The following TRIM21 variants were observed in gnomAD, a reference collection of about 807,000 sequenced individuals.
The protein encoded by TRIM21 is E3 ubiquitin-protein ligase TRIM21.
A neutral mutation model predicts 36.1 loss-of-function variants in TRIM21; 35 were observed. The observed-to-expected ratio is 0.97, with a 90% CI of 0.74 to 1.28. The LOEUF is 1.28. TRIM21 is among the 50% of genes most tolerant of loss of function. The pLI is 0.00. For missense variants in TRIM21, 635 were observed against 570.7 expected, an observed-to-expected ratio of 1.11 and a Z score of -1.15; for synonymous variants, 256 against 211.5, an observed-to-expected ratio of 1.21 and a Z score of -1.83.
intron 3 of TRIM21, 67 bp downstream of exon 3, chr11:4,389,587 T>G: frequency 7.5e-7 from 1 of 1,341,760 alleles, no homozygotes; most frequent in South Asian, 1.2e-5. Context: ...GTTAAGGCTG[T>G]GAGTTGAGGA....
chr11:4,385,929 G>A (rs556850359), intron 6 of TRIM21, 76 bp from the exon 7 acceptor site: 2 of 1,403,946 alleles, frequency 1.4e-6, no homozygotes, highest in East Asian at 2.4e-5. Flanking sequence ...GGGGGATTTT[G>A]TGTAAACTCC....
At position 4,385,616 on chromosome 11, in the gene TRIM21, T is replaced by A; in HGVS notation, c.1097A>T (p.Lys366Met). ...CTTGGAACTAAGCAAAAAGTGCCCC[T>A]TCCTGCGCACAGAGTCTCTGCAGAC... is the stretch of plus-strand genomic sequence containing the variant. ...LGVCRDSVRR[K>M]GHFLLSSKSG... The change falls in exon 7 of 7, where the codon AAG becomes ATG. Residue 366 changes from lysine to methionine, a missense_variant. Transcript: ENST00000254436. 6.2e-7 allele frequency: 1 copy of A among 1,612,948 alleles called. No homozygotes were observed. The highest frequency in any genetic ancestry group is 8.5e-7 in the Non-Finnish European group (1 of 1,179,488).
At chr11:4,388,696 A>AG (rs1564810214) in intron 3 of TRIM21, among the ~76,000 whole-genome samples, 166 bp from the exon 4 acceptor site, 49 of 151,726 alleles carry the variant, frequency 3.2e-4, no homozygotes, top group Middle Eastern at 6.8e-3. Flanking sequence ...CACACACACA[A>AG]TTTTGCTTGG....
At chr11:4,392,933 T>A (rs1053713120) in intron 1 of TRIM21, among the ~76,000 whole-genome samples, 9 of 152,112 alleles carry the variant, frequency 5.9e-5, no homozygotes, top group Non-Finnish European at 5.9e-5. Context: ...CAGAGATACT[T>A]CATGCTTTGA....
At position 4,385,760 on chromosome 11, in the gene TRIM21, A is replaced by G; in HGVS notation, c.953T>C (p.Ile318Thr). ...ATCAAATCTCTCTTCATTTCCAGGTATGCTCTGCTGGGTGTCTCCAAGCCT... is the reference window on the plus strand; with the variant it reads ...ATCAAATCTCTCTTCATTTCCAGGTGTGCTCTGCTGGGTGTCTCCAAGCCT... ...QVRLGDTQQS[I>T]PGNEERFDSY... is the part of the protein sequence containing the mutation. The change falls in exon 7 of 7, where the codon ATA becomes ACA. Residue 318 changes from isoleucine (I) to threonine (T), a missense_variant. By Grantham distance (89) the Ile-to-Thr change is moderately conservative. Coordinates refer to ENST00000254436, the MANE Select transcript of TRIM21 (RefSeq NM_003141.4). The G allele has an allele frequency of 6.2e-7, 1 of 1,613,598 alleles. No homozygotes were observed. The highest frequency in any genetic ancestry group is 8.5e-7 in the Non-Finnish European group (1 of 1,179,786).
At chr11:4,393,429 T>A (rs1389679834) in intron 1 of TRIM21, among the ~76,000 whole-genome samples, 1 of 152,020 alleles carries the variant, frequency 6.6e-6, no homozygotes, top group Non-Finnish European at 1.5e-5. Context: ...AACTCGGCAG[T>A]CAGGTCCACA....
chr11:4,388,431 T>G lies in TRIM21; in HGVS notation c.604A>C (p.Lys202Gln). 1.2e-6 allele frequency: 2 copies of G among 1,613,888 alleles called. No individual in the cohort carries two copies. Among genetic ancestry groups the G allele is most frequent in the Non-Finnish European group, 1.7e-6 (2 of 1,179,890 alleles). ...EEQRQLQELE[K>Q]DEREQLRILG... ...ATTCTCAGCTGCTCCCTCTCATCCT[T>G]CTCCAGCTCCTGCAGCTGCCTCTGT... Residue 202 changes from lysine to glutamine, a missense_variant, in exon 4 of 7, where the codon AAG becomes CAG. Lys to Gln is a moderately conservative substitution (Grantham distance 53). Coordinates refer to ENST00000254436, the MANE Select transcript of TRIM21 (RefSeq NM_003141.4).
chr11:4,388,660 TGCACACGCACACGCGC>T, intron 3 of TRIM21, 130 bp from the exon 4 acceptor site: 4 of 857,646 alleles, frequency 4.7e-6, no homozygotes, highest in Admixed American at 2.1e-5. Flanking sequence ...CACACACACA[TGCACACGCACACGCGC>T]GCACACACAC....
At chr11:4,387,059 G>C in intron 4 of TRIM21, 69 bp from the exon 5 acceptor site, 10 of 1,478,920 alleles carry the variant, frequency 6.8e-6, no homozygotes, top group Non-Finnish European at 8.3e-6. Flanking sequence ...AGCCCTGTGG[G>C]TGATGTGATC....
rs549174939 is a variant in TRIM21 at position 4,385,093 on chromosome 11, C to T, written c.*192G>A. ...GGCCAAATATAAGGAGGCTGCTTCA[C>T]TGGAGGGAATCACAAAGCCATCTGG... On this transcript the variant is annotated 3_prime_UTR_variant, in exon 7 of 7. Coordinates refer to ENST00000254436, the MANE Select transcript of TRIM21 (RefSeq NM_003141.4). The T allele has an allele frequency of 1.4e-4, 83 of 572,448 alleles. No individual in the cohort carries two copies. Among genetic ancestry groups the T allele is most frequent in the African/African-American group, 3.7e-5 (2 of 53,424 alleles). The allele number at this position is 572,448 out of a possible 1,614,324, so 35.5% of individuals were successfully genotyped here. A position where few individuals can be genotyped will look rare whatever the true frequency, so the allele number is the denominator to read the frequency against.
At chr11:4,391,157 A>G (rs1176494896) in intron 1 of TRIM21, among the ~76,000 whole-genome samples, 1 of 152,234 alleles carries the variant, frequency 6.6e-6, no homozygotes, top group Admixed American at 6.5e-5. Flanking sequence ...ATTGGAGTAA[A>G]TATTTGTAAA....
rs764424272 is a variant in TRIM21, at chr11:4,386,152, C to T, written c.859+5G>A. 2.5e-5 allele frequency: 41 copies of T among 1,612,616 alleles called. No homozygotes were observed. Among genetic ancestry groups the T allele is most frequent in the Non-Finnish European group, 1.0e-5 (12 of 1,179,790 alleles). On this transcript the variant is annotated splice_donor_5th_base_variant and intron_variant, in intron 6 of 6. Transcript: ENST00000254436. Reference sequence around the variant, plus strand: ...TATCCCCCGCAAAACTAGAACTTGCCTCACCTGCACATGTCCTCAGCATCT... The same window carrying T: ...TATCCCCCGCAAAACTAGAACTTGCTTCACCTGCACATGTCCTCAGCATCT...
chr11:4,387,033 T>G (rs1168815242), intron 4 of TRIM21, 43 bp from the exon 5 acceptor site: 1 of 1,558,040 alleles, frequency 6.4e-7, no homozygotes, highest in Non-Finnish European at 8.7e-7. Context: ...GATTGCTGGA[T>G]CGCCACTGAG....
chr11:4,385,143 A>T lies in TRIM21; in HGVS notation c.*142T>A, dbSNP rs1440575929. 1.4e-6 allele frequency: 1 copy of T among 740,200 alleles called. No homozygotes were observed. Among genetic ancestry groups the T allele is most frequent in the Non-Finnish European group, 2.1e-6 (1 of 466,142 alleles). The allele number at this position is 740,200 out of a possible 1,614,324, so 45.9% of individuals were successfully genotyped here. A position where few individuals can be genotyped will look rare whatever the true frequency, so the allele number is the denominator to read the frequency against. The stretch of plus-strand genomic sequence containing the variant: ...GGGCAGGAATGTTGATGGTGAAGTG[A>T]CTTCCCTGCTAAAGCTCGCTTGCTG... On this transcript the variant is annotated 3_prime_UTR_variant, in exon 7 of 7. Coordinates refer to ENST00000254436, the MANE Select transcript of TRIM21 (RefSeq NM_003141.4).
chr11:4,385,918 G>A (rs1056246525), intron 6 of TRIM21, 65 bp from the exon 7 acceptor site: 3 of 1,450,568 alleles, frequency 2.1e-6, no homozygotes. Flanking sequence ...TGCCTGTGGT[G>A]GGGGGATTTT....
intron 1 of TRIM21, among the ~76,000 whole-genome samples, chr11:4,392,779 C>T (rs754743937): frequency 5.9e-5 from 9 of 152,100 alleles, no homozygotes; most frequent in Non-Finnish European, 1.3e-4. Context: ...TGGCAAGAAC[C>T]TCATAAAGCT....
At position 4,385,546 on chromosome 11, in the gene TRIM21, C is replaced by T; in HGVS notation, c.1167G>A (p.Glu389=). Residue 389 remains glutamate, a synonymous_variant, in exon 7 of 7, where the codon GAG becomes GAA. Transcript: ENST00000254436. ...TIWLWNKQKY[E]AGTYPQTPLH... is the part of the protein sequence containing the mutation. ...GGGGAGTCTGGGGGTAGGTGCCAGC[C>T]TCATATTTTTGTTTGTTCCACAACC... 1.2e-6 allele frequency: 2 copies of T among 1,612,066 alleles called. No individual in the cohort carries two copies. Among genetic ancestry groups the T allele is most frequent in the Non-Finnish European group, 1.7e-6 (2 of 1,179,068 alleles).
At position 4,390,312 on chromosome 11, in the gene TRIM21, T is replaced by C; in HGVS notation, c.98A>G (p.His33Arg). The change falls in exon 2 of 7, where the codon CAC (histidine) becomes CGC (arginine). Residue 33 changes from histidine to arginine, a missense_variant. Transcript: ENST00000254436. The part of the protein sequence containing the change: ...FVEPVSIECG[H>R]SFCQECISQV... ...AGAGATGCATTCCTGGCAGAAGCTG[T>C]GGCCACACTCGATGCTCACAGGCTC... is the stretch of plus-strand genomic sequence containing the variant. The C allele has an allele frequency of 1.2e-6, 2 of 1,613,938 alleles. No individual in the cohort carries two copies. Among genetic ancestry groups the C allele is most frequent in the African/African-American group, 1.3e-5 (1 of 75,022 alleles).
rs781763137 is a variant in TRIM21 at position 4,385,508 on chromosome 11, A to G, written c.1205T>C (p.Val402Ala). Residue 402 changes from valine to alanine, a missense_variant, in exon 7 of 7, where the codon GTG becomes GCG. Val to Ala is a moderately conservative substitution (Grantham distance 64, BLOSUM62 0). Coordinates refer to ENST00000254436, the MANE Select transcript of TRIM21 (RefSeq NM_003141.4). ...GAAAATCCCAACTTGGCATGGAGGC[A>G]CCTGAAGGTGGAGGGGAGTCTGGGG... The part of the protein sequence containing the change: ...TYPQTPLHLQ[V>A]PPCQVGIFLD... The G allele has an allele frequency of 6.2e-7, 1 of 1,611,980 alleles. No individual in the cohort carries two copies. The highest frequency in any genetic ancestry group is 8.5e-7 in the Non-Finnish European group (1 of 1,178,956).
Sources: gnomAD v4.1 joint callset for allele counts (sites outside exome capture counted in the v4.1 genomes callset) on GRCh38, gnomAD v4.1.1 for gene constraint, MANE v1.5 for transcripts, NCBI Gene and HGNC (gene_info 2026-07-23, HGNC 2026-07-21) for gene names.